The following SEZ6L variants were observed in gnomAD, a reference collection of about 807,000 sequenced individuals.
SEZ6L encodes seizure 6-like protein.
Under a neutral mutation model 106.2 loss-of-function variants are expected in SEZ6L, and 37 were observed. The ratio of observed to expected loss-of-function variants is 0.35; its 90% CI spans 0.27 to 0.46. The LOEUF is 0.46. Among genes scored for constraint, SEZ6L ranks in the 20% least tolerant of loss-of-function variants. The pLI, the probability that SEZ6L is intolerant of heterozygous loss-of-function variation, is 1.00. For synonymous variants in SEZ6L, 541 were observed against 570.4 expected (o/e 0.95, Z 0.73); for missense variants, 1,172 against 1,332.8 (o/e 0.88, Z 1.88).
intron 1 of SEZ6L, among the ~76,000 whole-genome samples, chr22:26,206,884 A>G (rs983687457): frequency 6.6e-5 from 10 of 152,216 alleles, no homozygotes; most frequent in African/African-American, 2.2e-4. Flanking sequence ...TTGGACTTAA[A>G]GCTAATCTTC....
At chr22:26,311,329 G>A (rs940047631) in intron 7 of SEZ6L, among the ~76,000 whole-genome samples, 2 of 152,206 alleles carry the variant, frequency 1.3e-5, no homozygotes, top group Non-Finnish European at 2.9e-5. Flanking sequence ...CTCCTGCTGA[G>A]ACCCTGACTC....
intron 1 of SEZ6L, among the ~76,000 whole-genome samples, chr22:26,186,321 A>G (rs1939775966): frequency 1.3e-5 from 2 of 152,208 alleles, no homozygotes; most frequent in South Asian, 4.1e-4. Flanking sequence ...AGAAAGTATT[A>G]AAGAAAAGCA....
At chr22:26,263,636 G>A (rs932124648) in intron 1 of SEZ6L, among the ~76,000 whole-genome samples, 4 of 152,160 alleles carry the variant, frequency 2.6e-5, no homozygotes, top group Admixed American at 6.5e-5. Flanking sequence ...AATTCCCAAC[G>A]ATCATCTGAG....
chr22:26,189,980 C>G (rs1940075052), intron 1 of SEZ6L, among the ~76,000 whole-genome samples: 1 of 151,884 alleles, frequency 6.6e-6, no homozygotes, highest in Non-Finnish European at 1.5e-5. Context: ...ACCTGTGGTC[C>G]CAGTTACTCG....
chr22:26,307,625 G>A (rs1375132886), intron 6 of SEZ6L, among the ~76,000 whole-genome samples: 1 of 152,110 alleles, frequency 6.6e-6, no homozygotes, highest in African/African-American at 2.4e-5. Flanking sequence ...CCCGAACGTG[G>A]CTTTTTAGCA....
intron 1 of SEZ6L, among the ~76,000 whole-genome samples, chr22:26,260,888 C>T (rs892207189): frequency 5.3e-5 from 8 of 152,052 alleles, no homozygotes; most frequent in African/African-American, 1.9e-4. Flanking sequence ...TCCGTGCCAA[C>T]GTCTATTGTA....
At chr22:26,172,089 CCTT>C (rs1466411551) in intron 1 of SEZ6L, among the ~76,000 whole-genome samples, 2 of 152,094 alleles carry the variant, frequency 1.3e-5, no homozygotes, top group Non-Finnish European at 2.9e-5. Flanking sequence ...TGAAGAGCCT[CCTT>C]ATTGTCTCAG....
chr22:26,290,745 C>T (rs920921557), intron 1 of SEZ6L, among the ~76,000 whole-genome samples: 22 of 152,218 alleles, frequency 1.4e-4, no homozygotes, highest in Admixed American at 1.2e-3. Context: ...CCCCTGCCTC[C>T]CTACCTTACC....
At chr22:26,337,977 C>T (rs929559296) in intron 9 of SEZ6L, among the ~76,000 whole-genome samples, 2 of 152,138 alleles carry the variant, frequency 1.3e-5, no homozygotes, top group Non-Finnish European at 2.9e-5. Context: ...TTGTTCTGAC[C>T]ACCTGAAACA....
intron 9 of SEZ6L, among the ~76,000 whole-genome samples, chr22:26,326,848 A>G (rs774748055): frequency 4.5e-4 from 69 of 152,320 alleles, no homozygotes; most frequent in Admixed American, 9.8e-4. Context: ...TGGTCCTGTG[A>G]TGGCCGAGGC....
At chr22:26,377,532 C>A in intron 15 of SEZ6L, 141 bp from the exon 16 acceptor site, 1 of 683,322 alleles carries the variant, frequency 1.5e-6, no homozygotes, top group Non-Finnish European at 2.6e-6. Context: ...TTCTCGCCTG[C>A]AAAAGGCTGT....
At chr22:26,354,555 T>C (rs1267796097) in intron 12 of SEZ6L, among the ~76,000 whole-genome samples, 5 of 152,182 alleles carry the variant, frequency 3.3e-5, no homozygotes, top group Non-Finnish European at 7.3e-5. Context: ...CATTTCCTTC[T>C]AGTGACTGCA....
chr22:26,245,287 G>A (rs544261110), intron 1 of SEZ6L, among the ~76,000 whole-genome samples: 6 of 152,104 alleles, frequency 3.9e-5, no homozygotes, highest in South Asian at 2.1e-4. Flanking sequence ...CAGCATCCCC[G>A]GCTGCTGAGA....
At chr22:26,312,113 C>G (rs2081857593) in intron 8 of SEZ6L, 151 bp downstream of exon 8, 3 of 776,866 alleles carry the variant, frequency 3.9e-6, no homozygotes. Flanking sequence ...TCCTTTGGTT[C>G]AGGGTTGCTG....
intron 3 of SEZ6L, among the ~76,000 whole-genome samples, chr22:26,296,640 C>A (rs924501891): frequency 6.6e-6 from 1 of 152,258 alleles, no homozygotes; most frequent in Admixed American, 6.5e-5. Context: ...GGGGGCCTCA[C>A]ATTGCAAGTC....
At chr22:26,201,134 A>C (rs534691432) in intron 1 of SEZ6L, among the ~76,000 whole-genome samples, 4 of 152,244 alleles carry the variant, frequency 2.6e-5, no homozygotes, top group South Asian at 2.1e-4. Flanking sequence ...TAAGCTCTTC[A>C]GAGAGAGCAT....
At chr22:26,260,311 C>T (rs1297367176) in intron 1 of SEZ6L, among the ~76,000 whole-genome samples, 5 of 152,090 alleles carry the variant, frequency 3.3e-5, no homozygotes, top group African/African-American at 9.7e-5. Flanking sequence ...CCCTGAGTCC[C>T]TGAAGTCTAT....
At chr22:26,315,926 G>A (rs765306076) in intron 9 of SEZ6L, among the ~76,000 whole-genome samples, 1 of 151,866 alleles carries the variant, frequency 6.6e-6, no homozygotes, top group Admixed American at 6.6e-5. Flanking sequence ...AGGCATGGTG[G>A]CACCTGTAGT....
intron 1 of SEZ6L, among the ~76,000 whole-genome samples, chr22:26,212,240 T>A (rs2078182100): frequency 2.0e-5 from 3 of 152,194 alleles, no homozygotes; most frequent in South Asian, 4.1e-4. Flanking sequence ...CGGGGCCTGG[T>A]CTTTATCATA....
Sources: allele counts gnomAD v4.1 joint callset (sites outside exome capture counted in the v4.1 genomes callset), GRCh38; gene constraint gnomAD v4.1.1; transcripts MANE v1.5; gene names NCBI Gene and HGNC (gene_info 2026-07-23, HGNC 2026-07-21).